GRHL1: variants seen among roughly 807,000 people sequenced by gnomAD.
The protein encoded by GRHL1 is grainyhead-like protein 1 homolog.
In GRHL1, 38 loss-of-function variants were observed where a neutral mutation model predicts 75.7. That is an observed-to-expected ratio of 0.50 (90% CI 0.39 to 0.66). GRHL1 has a LOEUF of 0.66. Among genes scored for constraint, GRHL1 ranks in the 30% least tolerant of loss-of-function variants. The pLI is 0.00. For synonymous variants in GRHL1, 266 were observed against 279.4 expected (o/e 0.95, Z 0.48); for missense variants, 589 against 767.5 (o/e 0.77, Z 2.75).
chr2:9,952,824 C>T, intron 1 of GRHL1: 1 of 293,580 alleles, frequency 3.4e-6, no homozygotes, highest in Non-Finnish European at 6.8e-6. Flanking sequence ...TGTGAAGGAT[C>T]GGTTTTTGTC....
In GRHL1 at chr2:9,967,511, T is replaced by C. The variant is rs978474022; in HGVS notation, c.1110+2130T>C. ...AAGTAGCCTTAATAGCATTGCTAATTGATGTAGGTAAACTCAGTTTCATTT... is the reference window on the plus strand; with the variant it reads ...AAGTAGCCTTAATAGCATTGCTAATCGATGTAGGTAAACTCAGTTTCATTT... On this transcript the variant is annotated intron_variant, in intron 8 of 15. Coordinates refer to ENST00000324907, the MANE Select transcript of GRHL1 (RefSeq NM_198182.3). 2.6e-5 allele frequency among the ~76,000 whole-genome samples: 4 copies of C among 152,226 alleles called. No individual in the cohort carries two copies. The South Asian group carries it at 8.3e-4, about 32-fold the overall frequency.
intron 8 of GRHL1, among the ~76,000 whole-genome samples, chr2:9,984,896 T>TA (rs5829244): frequency 0.24 from 33,713 of 142,784 alleles, 3,948 homozygotes; most frequent in Admixed American, 0.34. Context: ...ACCCTGTCTC[T>TA]AAAAAAAAAA....
At chr2:9,982,345 A>G (rs1238019716) in intron 8 of GRHL1, among the ~76,000 whole-genome samples, 1 of 152,180 alleles carries the variant, frequency 6.6e-6, no homozygotes, top group Non-Finnish European at 1.5e-5. Context: ...ACGTTACCGC[A>G]GTGGTTTCTA....
At chr2:9,970,778 A>G (rs1447728447) in intron 8 of GRHL1, among the ~76,000 whole-genome samples, 1 of 152,218 alleles carries the variant, frequency 6.6e-6, no homozygotes, top group Non-Finnish European at 1.5e-5. Flanking sequence ...TATCAGCTAT[A>G]AGAAGGAACT....
At position 9,952,226 on chromosome 2, in the gene GRHL1, C is replaced by A. The variant is rs1302905000; in HGVS notation, c.20+373C>A. Among the ~76,000 whole-genome samples the A allele has an allele frequency of 2.6e-5, 4 of 152,106 alleles. 1 individual carries two copies. Among genetic ancestry groups the A allele is most frequent in the Admixed American group, 1.3e-4 (2 of 15,280 alleles). Reference sequence around the variant, plus strand: ...AACGCCCCCGGGCCTCCCCGCCCCCCTCTCCTGCCCGGTCGGCCTCGGGAG... The same window carrying A: ...AACGCCCCCGGGCCTCCCCGCCCCCATCTCCTGCCCGGTCGGCCTCGGGAG... On this transcript the variant is annotated intron_variant, in intron 1 of 15. Transcript: ENST00000324907.
intron 8 of GRHL1, among the ~76,000 whole-genome samples, chr2:9,981,228 C>G (rs950074528): frequency 6.6e-6 from 1 of 152,248 alleles, no homozygotes; most frequent in African/African-American, 2.4e-5. Flanking sequence ...GGAAGCTGCA[C>G]TTCTCCCTCA....
rs562363320 is a variant in GRHL1 at position 9,977,096 on chromosome 2, G to A, written c.1111-9028G>A. ...TTGTTTAGGGGGTCCTCTACTAGAG[G>A]TTGGAAGAAAATGTTTAATTTCTGT... On this transcript the variant is annotated intron_variant, in intron 8 of 15. Transcript: ENST00000324907. Among the ~76,000 whole-genome samples, 40 of 152,298 alleles carry A rather than the reference G, an allele frequency of 2.6e-4. No homozygotes were observed. In the South Asian group the frequency reaches 8.3e-3, roughly 32 times the overall value.
In GRHL1 at chr2:9,999,012, C is replaced by A. The variant is rs2125253460; in HGVS notation, c.1725C>A (p.Phe575Leu). The change falls in exon 15 of 16, where the codon TTC (phenylalanine) becomes TTA (leucine). Residue 575 changes from phenylalanine (F) to leucine (L), a missense_variant. By Grantham distance (22) the Phe-to-Leu change is conservative (BLOSUM62 0). Coordinates refer to ENST00000324907, the MANE Select transcript of GRHL1 (RefSeq NM_198182.3). ...DVPHDKIGKIFKKCKKGILVN... is the reference protein window; with the variant it reads ...DVPHDKIGKILKKCKKGILVN... ...CCCATGACAAGATTGGGAAAATATT[C>A]AAGAAGTGTAAAAAGGGGTAAGCAG... 6.3e-7 allele frequency: 1 copy of A among 1,575,334 alleles called. No homozygotes were observed. The highest frequency in any genetic ancestry group is 8.7e-7 in the Non-Finnish European group (1 of 1,155,854).
rs1034171677 is a variant in GRHL1, at chr2:9,990,976, C to T, written c.1321+229C>T. ...TACAGGATAGATCCCTGGGTTTTCCCGACCTCAGCGTTTTTGGCTCTCAGT... is the reference window on the plus strand; with the variant it reads ...TACAGGATAGATCCCTGGGTTTTCCTGACCTCAGCGTTTTTGGCTCTCAGT... On this transcript the variant is annotated intron_variant, in intron 10 of 15. Transcript: ENST00000324907. This position sits in a 1 kb window ranked among gnomAD's most constrained non-coding sequence, Gnocchi z 4.2. Among the ~76,000 whole-genome samples the T allele has an allele frequency of 8.5e-5, 13 of 152,112 alleles. No homozygotes were observed. Among genetic ancestry groups the T allele is most frequent in the African/African-American group, 2.7e-4 (11 of 41,412 alleles).
At chr2:9,989,585 G>T (rs552136502) in intron 9 of GRHL1, among the ~76,000 whole-genome samples, 1 of 152,174 alleles carries the variant, frequency 6.6e-6, no homozygotes, top group Non-Finnish European at 1.5e-5. Flanking sequence ...GTCTCACTCT[G>T]TCACCCAGAC....
At chr2:9,967,641 T>C (rs556990520) in intron 8 of GRHL1, among the ~76,000 whole-genome samples, 1 of 152,324 alleles carries the variant, frequency 6.6e-6, no homozygotes, top group South Asian at 2.1e-4. Context: ...GAAGCTGATA[T>C]CAGGCAGCAA....
Position 9,974,503 on chromosome 2 carries a change from A to AGG in GRHL1, c.1110+9122_1110+9123insGG, listed in dbSNP as rs199959489. Among the ~76,000 whole-genome samples, 46 of 152,248 alleles carry AGG rather than the reference A, an allele frequency of 3.0e-4. No homozygotes were observed. In the East Asian group the frequency reaches 8.7e-3, roughly 29 times the overall value. On this transcript the variant is annotated intron_variant, in intron 8 of 15. Coordinates refer to ENST00000324907, the MANE Select transcript of GRHL1 (RefSeq NM_198182.3). The stretch of plus-strand genomic sequence containing the variant: ...ACTTGAAGCTTTTGAGTTGGGCGTG[A>AGG]TAATACACACATGACAGCAGGCGAT...
In GRHL1 at chr2:9,992,531, G is replaced by A. The variant is rs765651582; in HGVS notation, c.1461+385G>A. ...GAGCTCTTATAACATAAGAACATCCGAAGGCTTTTCTCACAGTTCCAGTTA... is the reference window on the plus strand; with the variant it reads ...GAGCTCTTATAACATAAGAACATCCAAAGGCTTTTCTCACAGTTCCAGTTA... On this transcript the variant is annotated intron_variant, in intron 11 of 15. Coordinates refer to ENST00000324907, the MANE Select transcript of GRHL1 (RefSeq NM_198182.3). The surrounding 1 kb of genome is among the most constrained non-coding windows in gnomAD (Gnocchi z 4.6). Among the ~76,000 whole-genome samples, 4 of 152,174 alleles carry A rather than the reference G, an allele frequency of 2.6e-5. No homozygotes were observed. Among genetic ancestry groups the A allele is most frequent in the Non-Finnish European group, 2.9e-5 (2 of 68,032 alleles).
intron 8 of GRHL1, among the ~76,000 whole-genome samples, chr2:9,969,016 G>A (rs1347925444): frequency 6.6e-6 from 1 of 152,112 alleles, no homozygotes; most frequent in African/African-American, 2.4e-5. Flanking sequence ...TATAAATTGG[G>A]GCTATTTGTT....
Position 9,995,746 on chromosome 2 carries a change from C to T in GRHL1, c.1500-133C>T, listed in dbSNP as rs890201484. 2.3e-4 allele frequency: 150 copies of T among 645,472 alleles called. No homozygotes were observed. The African/African-American group carries it at 2.5e-3, about 11-fold the overall frequency. 40.0% of individuals were successfully genotyped at this position (645,472 alleles called of 1,614,324 possible). A position where few individuals can be genotyped will look rare whatever the true frequency, so the allele number is the denominator to read the frequency against. The stretch of plus-strand genomic sequence containing the variant: ...TTCCTTTAGCCTGATTTTTCATCCA[C>T]AAATAAGGAAGCTGGACCAGATAAA... On this transcript the variant is annotated intron_variant, in intron 12 of 15. Transcript: ENST00000324907.
chr2:9,966,564 GT>G (rs1359256106), intron 8 of GRHL1, among the ~76,000 whole-genome samples: 1 of 152,214 alleles, frequency 6.6e-6, no homozygotes, highest in South Asian at 2.1e-4. Context: ...CTCAGTCTCT[GT>G]TTTTTACTTT....
chr2:9,959,016 T>G, intron 3 of GRHL1, 160 bp downstream of exon 3: 1 of 1,162,746 alleles, frequency 8.6e-7, no homozygotes. Flanking sequence ...GATTTGCCTC[T>G]GTTGCTCTGA....
In GRHL1 at chr2:9,998,835, T is replaced by G. The variant is rs57607665; in HGVS notation, c.1678-130T>G. 3 of 118,094 alleles carry G rather than the reference T, an allele frequency of 2.5e-5. 1 individual carries two copies. The highest frequency in any genetic ancestry group is 4.1e-5 in the Non-Finnish European group (3 of 73,216). 7.3% of individuals were successfully genotyped at this position (118,094 alleles called of 1,614,324 possible). A position where few individuals can be genotyped will look rare whatever the true frequency, so the allele number is the denominator to read the frequency against. On this transcript the variant is annotated intron_variant, in intron 14 of 15. Transcript: ENST00000324907. ...GTATATATATGTACACATATATATA[T>G]ACGTATATATATGTACACATATATA...
chr2:9,955,163 T>C lies in GRHL1; in HGVS notation c.207+62T>C, dbSNP rs373611805. On this transcript the variant is annotated intron_variant, in intron 2 of 15. Coordinates refer to ENST00000324907, the MANE Select transcript of GRHL1 (RefSeq NM_198182.3). ...CTCCAATGCACTTGATTCAGCAGCA[T>C]AGAAACAGACATTTGCTGGTAGAAT... The C allele has an allele frequency of 2.5e-5, 27 of 1,085,610 alleles. No individual in the cohort carries two copies. The African/African-American group carries it at 3.3e-4, about 13-fold the overall frequency. 67.2% of individuals were successfully genotyped at this position (1,085,610 alleles called of 1,614,324 possible).
Sources: allele counts gnomAD v4.1 joint callset (sites outside exome capture counted in the v4.1 genomes callset), GRCh38; gene constraint gnomAD v4.1.1; non-coding constraint Gnocchi (gnomAD v3.1); transcripts MANE v1.5; gene names NCBI Gene and HGNC (gene_info 2026-07-23, HGNC 2026-07-21).